ZNF680: variants seen among roughly 807,000 people sequenced by gnomAD.
ZNF680 encodes the protein hypothetical protein FLJ90430.
ZNF680 carries 6 observed loss-of-function variants against 12.1 expected under a neutral mutation model. The observed-to-expected ratio is 0.49, with a 90% CI of 0.27 to 0.98. The LOEUF (loss-of-function observed/expected upper bound fraction) is 0.98. Among genes scored for constraint, ZNF680 ranks in the 50% least tolerant of loss-of-function variants. ZNF680 has a pLI of 0.12. For synonymous variants in ZNF680, 170 were observed against 199.3 expected, an observed-to-expected ratio of 0.85 and a Z score of 1.24; for missense variants, 561 against 616.3, an observed-to-expected ratio of 0.91 and a Z score of 0.95.
At chr7:64,503,093 C>T in the ZNF680 span, among the ~76,000 whole-genome samples, 1 of 152,122 alleles carries the variant, frequency 6.6e-6, no homozygotes, top group Non-Finnish European at 1.5e-5. Flanking sequence ...TAATACAGCT[C>T]ATACATTTCA....
intron 3 of ZNF680, among the ~76,000 whole-genome samples, chr7:64,534,129 C>T (rs866960045): frequency 3.3e-5 from 5 of 152,186 alleles, no homozygotes; most frequent in Non-Finnish European, 7.4e-5. Context: ...ACCAAGAACC[C>T]AAAAGCAAAT....
Position 64,521,424 on chromosome 7 carries a change from T to A in ZNF680, c.1330A>T (p.Thr444Ser). Residue 444 changes from threonine (T) to serine (S), a missense_variant, in exon 4 of 4, where the codon ACT (threonine) becomes TCT (serine). Thr to Ser is a moderately conservative substitution (Grantham distance 58). Coordinates refer to ENST00000309683, the MANE Select transcript of ZNF680 (RefSeq NM_178558.5). ...YKCEECGKGFTLFSTLTNHKV... is the reference protein window; with the variant it reads ...YKCEECGKGFSLFSTLTNHKV... ...TGGTTAGTAAGGGTTGAAAATAAAG[T>A]AAAGCCTTTGCCACATTCTTCACAT... 6.2e-7 allele frequency: 1 copy of A among 1,613,614 alleles called. No homozygotes were observed. Among genetic ancestry groups the A allele is most frequent in the Non-Finnish European group, 8.5e-7 (1 of 1,179,708 alleles).
In ZNF680 at chr7:64,563,020, A is replaced by C; in HGVS notation, c.-66T>G. On this transcript the variant is annotated 5_prime_UTR_variant, in exon 1 of 4. In the 5' UTR this introduces an upstream ATG that the reference lacks. Coordinates refer to ENST00000309683, the MANE Select transcript of ZNF680 (RefSeq NM_178558.5). ...ACAGAGGCTGGGCCTCTAGGAGCAG[A>C]ATACACAGAGCAGTAAAGACTAGAC... 1.3e-6 allele frequency: 2 copies of C among 1,587,128 alleles called. No individual in the cohort carries two copies. Among genetic ancestry groups the C allele is most frequent in the Non-Finnish European group, 1.7e-6 (2 of 1,156,610 alleles).
intron 1 of ZNF680, among the ~76,000 whole-genome samples, chr7:64,550,293 C>G (rs1415600875): frequency 6.6e-6 from 1 of 152,142 alleles, no homozygotes; most frequent in Non-Finnish European, 1.5e-5. Flanking sequence ...TTTATAGCTA[C>G]TTATGGCTAT....
chr7:64,508,727 T>C, the ZNF680 span, among the ~76,000 whole-genome samples: 4 of 152,128 alleles, frequency 2.6e-5, no homozygotes, highest in Admixed American at 2.6e-4. Context: ...CTCAGTGTTA[T>C]CTAAAGGCCT....
At chr7:64,540,399 G>C (rs1786440146) in intron 3 of ZNF680, among the ~76,000 whole-genome samples, 1 of 150,534 alleles carries the variant, frequency 6.6e-6, no homozygotes, top group African/African-American at 2.5e-5. Context: ...CTGCCTCCCA[G>C]GTTCAAGAGA....
intron 1 of ZNF680, chr7:64,561,345 T>C (rs1023363833): frequency 2.6e-5 from 4 of 152,488 alleles, no homozygotes; most frequent in African/African-American, 9.6e-5. Flanking sequence ...GTGGGTATCA[T>C]GGTTTATTCC....
chr7:64,556,780 T>C (rs1481610166), intron 1 of ZNF680, among the ~76,000 whole-genome samples: 1 of 152,160 alleles, frequency 6.6e-6, no homozygotes, highest in Non-Finnish European at 1.5e-5. Context: ...CCAAAAGCAA[T>C]TGCAACAAAA....
intron 3 of ZNF680, among the ~76,000 whole-genome samples, chr7:64,528,832 C>T (rs1785705693): frequency 1.3e-5 from 2 of 152,164 alleles, no homozygotes; most frequent in African/African-American, 2.4e-5. Flanking sequence ...CTGATGCTCT[C>T]TGGAAAGCAC....
chr7:64,524,009 A>G (rs1395268673), intron 3 of ZNF680, among the ~76,000 whole-genome samples: 1 of 152,092 alleles, frequency 6.6e-6, no homozygotes, highest in Non-Finnish European at 1.5e-5. Context: ...GTAGCAAGAC[A>G]AAAGTACACA....
chr7:64,502,687 T>C, the ZNF680 span, among the ~76,000 whole-genome samples: 1 of 152,062 alleles, frequency 6.6e-6, no homozygotes, highest in African/African-American at 2.4e-5. Context: ...AACCAGAAAT[T>C]TGGGGGAAAA....
intron 1 of ZNF680, among the ~76,000 whole-genome samples, chr7:64,546,205 T>TA (rs1018292758): frequency 3.3e-5 from 5 of 151,838 alleles, no homozygotes; most frequent in African/African-American, 7.3e-5. Context: ...CAGGTTTAAG[T>TA]AAAAAAAAGA....
intron 1 of ZNF680, 38 bp from the exon 2 acceptor site, chr7:64,544,470 ACT>A (rs368302867): frequency 6.5e-7 from 1 of 1,534,102 alleles, no homozygotes; most frequent in Non-Finnish European, 8.8e-7. Flanking sequence ...ACACACACAC[ACT>A]TATATATTTA....
intron 1 of ZNF680, among the ~76,000 whole-genome samples, chr7:64,549,530 TC>T (rs1304742225): frequency 2.6e-5 from 4 of 152,164 alleles, no homozygotes; most frequent in Non-Finnish European, 5.9e-5. Flanking sequence ...GTATTGTAAA[TC>T]CCAGGCAGAG....
At chr7:64,559,999 T>C (rs971465141) in intron 1 of ZNF680, among the ~76,000 whole-genome samples, 3 of 152,094 alleles carry the variant, frequency 2.0e-5, no homozygotes, top group African/African-American at 7.2e-5. Context: ...AGACTAGAAA[T>C]ATTCACTGTC....
chr7:64,544,962 A>G (rs1022015675), intron 1 of ZNF680, among the ~76,000 whole-genome samples: 4 of 152,184 alleles, frequency 2.6e-5, no homozygotes, highest in African/African-American at 9.7e-5. Context: ...TCCACTAAGT[A>G]AAAGAGCCTG....
intron 1 of ZNF680, among the ~76,000 whole-genome samples, chr7:64,555,899 C>A (rs1787388889): frequency 6.6e-6 from 1 of 151,810 alleles, no homozygotes; most frequent in South Asian, 2.1e-4. Context: ...ACTAGAAAAT[C>A]TATGCACACA....
chr7:64,501,639 G>C, the ZNF680 span: 28 of 869,846 alleles, frequency 3.2e-5, no homozygotes, highest in African/African-American at 3.7e-4. Flanking sequence ...TGAAGGTGGG[G>C]GATGGCCAGC....
downstream of ZNF680, among the ~76,000 whole-genome samples, chr7:64,519,347 G>C (rs184619350): frequency 6.6e-6 from 1 of 151,912 alleles, no homozygotes; most frequent in East Asian, 1.9e-4. Flanking sequence ...TATAGTGTTG[G>C]TGGGGATGTG....
Sources: gnomAD v4.1 joint callset for allele counts (sites outside exome capture counted in the v4.1 genomes callset) on GRCh38, gnomAD v4.1.1 for gene constraint, MANE v1.5 for transcripts, NCBI Gene and HGNC (gene_info 2026-07-23, HGNC 2026-07-21) for gene names.